Variants in APPL2 observed in about 807,000 individuals in gnomAD.
APPL2 encodes DCC-interacting protein 13-beta.
Under a neutral mutation model 92.7 loss-of-function variants are expected in APPL2, and 84 were observed. The observed-to-expected ratio is 0.91, with a 90% CI of 0.76 to 1.09. APPL2 has a LOEUF of 1.09. APPL2 is among the 50% of genes least tolerant of loss of function. The pLI, the probability that APPL2 is intolerant of heterozygous loss-of-function variation, is 0.00. For missense variants in APPL2, 736 were observed against 824.5 expected (o/e 0.89, Z 1.31); for synonymous variants, 291 against 291.0 (o/e 1.00, Z 0.00).
At chr12:105,212,880 C>A (rs1459873108) in intron 4 of APPL2, among the ~76,000 whole-genome samples, 1 of 152,206 alleles carries the variant, frequency 6.6e-6, no homozygotes, top group African/African-American at 2.4e-5. Flanking sequence ...GGCAAGGAAG[C>A]ACCGGGGCAA....
rs558465562 is a variant in APPL2, at chr12:105,187,339, T to C, written c.1634+934A>G. 3.9e-5 allele frequency among the ~76,000 whole-genome samples: 6 copies of C among 152,224 alleles called. No homozygotes were observed. The South Asian group carries it at 1.2e-3, about 31-fold the overall frequency. On this transcript the variant is annotated intron_variant, in intron 17 of 20. Transcript: ENST00000258530. The stretch of plus-strand genomic sequence containing the variant: ...TGAGCACTTTTCATGTGCCAGTGAG[T>C]TGTAAATGTCTTACATATATTAGCA...
intron 8 of APPL2, chr12:105,206,820 G>A: frequency 7.4e-6 from 3 of 406,764 alleles, no homozygotes; most frequent in Non-Finnish European, 8.6e-6. Context: ...TTCCCCAAGA[G>A]AGGCTTGGGA....
At chr12:105,186,472 G>A (rs1403392668) in intron 17 of APPL2, among the ~76,000 whole-genome samples, 1 of 151,814 alleles carries the variant, frequency 6.6e-6, no homozygotes. Context: ...TTGAACACCT[G>A]TATTTAATTC....
chr12:105,211,797 T>C (rs1326126301), intron 4 of APPL2, among the ~76,000 whole-genome samples: 1 of 152,136 alleles, frequency 6.6e-6, no homozygotes, highest in Non-Finnish European at 1.5e-5. Context: ...CACGGCCAGC[T>C]ATGGGCCTGG....
chr12:105,178,760 T>C (rs1885802810), intron 17 of APPL2, among the ~76,000 whole-genome samples: 1 of 152,182 alleles, frequency 6.6e-6, no homozygotes, highest in African/African-American at 2.4e-5. Flanking sequence ...TAATGAGAAG[T>C]GTGTATGGGA....
intron 17 of APPL2, among the ~76,000 whole-genome samples, chr12:105,185,212 A>T (rs1886494392): frequency 6.6e-6 from 1 of 152,176 alleles, no homozygotes; most frequent in Non-Finnish European, 1.5e-5. Flanking sequence ...GATGGGATCC[A>T]CTGAGCAAGA....
intron 10 of APPL2, 63 bp from the exon 11 acceptor site, chr12:105,198,016 T>C: frequency 6.5e-7 from 1 of 1,531,748 alleles, no homozygotes; most frequent in South Asian, 1.2e-5. Context: ...CCTCCAAGTC[T>C]TGCTACCTCG....
intron 17 of APPL2, among the ~76,000 whole-genome samples, chr12:105,185,917 C>T (rs1024268980): frequency 6.6e-6 from 1 of 152,084 alleles, no homozygotes; most frequent in Admixed American, 6.5e-5. Flanking sequence ...AAACTCCATC[C>T]CCATTAAGCA....
At position 105,179,511 on chromosome 12, in the gene APPL2, G is replaced by T. The variant is rs1014434973; in HGVS notation, c.1635-2249C>A. 4.6e-5 allele frequency among the ~76,000 whole-genome samples: 7 copies of T among 152,190 alleles called. 1 individual carries two copies. The highest frequency in any genetic ancestry group is 1.7e-4 in the African/African-American group (7 of 41,452). On this transcript the variant is annotated intron_variant, in intron 17 of 20. Transcript: ENST00000258530. ...TGGGTATGTACCCAGTAATGGGATTGCTGGGTCAAATGGTTATTTCTGGTT... is the reference window on the plus strand; with the variant it reads ...TGGGTATGTACCCAGTAATGGGATTTCTGGGTCAAATGGTTATTTCTGGTT...
chr12:105,197,322 C>T (rs539160581), intron 11 of APPL2, among the ~76,000 whole-genome samples: 80 of 152,320 alleles, frequency 5.3e-4, no homozygotes, highest in African/African-American at 1.8e-3. Context: ...CAGTGGAGTA[C>T]ACTTCTCACA....
intron 17 of APPL2, among the ~76,000 whole-genome samples, chr12:105,181,162 A>C (rs941965519): frequency 6.6e-6 from 1 of 152,194 alleles, no homozygotes; most frequent in Non-Finnish European, 1.5e-5. Flanking sequence ...GAGTGTTTTT[A>C]GCATGAAGGG....
At chr12:105,206,597 C>T (rs912701786) in intron 8 of APPL2, among the ~76,000 whole-genome samples, 4 of 152,184 alleles carry the variant, frequency 2.6e-5, no homozygotes, top group African/African-American at 9.7e-5. Flanking sequence ...GCACTGGCAA[C>T]GTTTCCCCAT....
chr12:105,217,498 TG>T (rs1395944108), intron 3 of APPL2, among the ~76,000 whole-genome samples, 167 bp downstream of exon 3: 2 of 152,170 alleles, frequency 1.3e-5, no homozygotes, highest in Non-Finnish European at 2.9e-5. Context: ...ATAAAGACTT[TG>T]GGATAATCAC....
At chr12:105,190,772 T>C (rs984362078) in intron 14 of APPL2, among the ~76,000 whole-genome samples, 4 of 152,218 alleles carry the variant, frequency 2.6e-5, no homozygotes, top group Non-Finnish European at 4.4e-5. Flanking sequence ...AGGCACAGTC[T>C]TGCGGCCCTG....
At chr12:105,189,915 T>C in intron 15 of APPL2, 76 bp downstream of exon 15, 1 of 1,611,066 alleles carries the variant, frequency 6.2e-7, no homozygotes, top group Non-Finnish European at 8.5e-7. Context: ...GCAACAGTCT[T>C]TGGTGGTGGA....
chr12:105,235,850 G>A, intron 1 of APPL2, 109 bp downstream of exon 1: 1 of 885,874 alleles, frequency 1.1e-6, no homozygotes, highest in Non-Finnish European at 1.5e-6. Flanking sequence ...AGGGGGCCGG[G>A]CGCACTCCCG....
intron 7 of APPL2, among the ~76,000 whole-genome samples, chr12:105,207,577 TAA>T (rs1888839703): frequency 6.6e-6 from 1 of 152,086 alleles, no homozygotes; most frequent in South Asian, 2.1e-4. Flanking sequence ...GTAACAGAAG[TAA>T]AAAGTTATAT....
chr12:105,199,236 G>T, intron 10 of APPL2, 137 bp downstream of exon 10: 1 of 1,023,740 alleles, frequency 9.8e-7, no homozygotes, highest in Non-Finnish European at 1.4e-6. Context: ...CAAGTGGGAG[G>T]GCTGCTGTGA....
At chr12:105,180,382 TGTA>T (rs1885995431) in intron 17 of APPL2, among the ~76,000 whole-genome samples, 1 of 152,060 alleles carries the variant, frequency 6.6e-6, no homozygotes, top group Admixed American at 6.5e-5. Flanking sequence ...ACTGTAGCCT[TGTA>T]GTATAGTTTG....
Sources: gnomAD v4.1 joint callset for allele counts (sites outside exome capture counted in the v4.1 genomes callset) on GRCh38, gnomAD v4.1.1 for gene constraint, MANE v1.5 for transcripts, NCBI Gene and HGNC (gene_info 2026-07-23, HGNC 2026-07-21) for gene names.